CDH2: variants seen among roughly 807,000 people sequenced by gnomAD.
The protein encoded by CDH2 is cadherin 2.
In CDH2, 17 loss-of-function variants were observed where a neutral mutation model predicts 92.0. The ratio of observed to expected loss-of-function variants is 0.18; its 90% CI spans 0.13 to 0.28. The LOEUF is 0.28. Among genes scored for constraint, CDH2 ranks in the 10% least tolerant of loss-of-function variants. The pLI is 1.00. For missense variants in CDH2, 862 were observed against 1,133.1 expected, an observed-to-expected ratio of 0.76 and a Z score of 3.44; for synonymous variants, 419 against 415.9, an observed-to-expected ratio of 1.01 and a Z score of -0.09.
chr18:28,037,333 T>C (rs1343189226), intron 2 of CDH2, among the ~76,000 whole-genome samples: 3 of 152,194 alleles, frequency 2.0e-5, no homozygotes, highest in African/African-American at 7.2e-5. Context: ...ACCATGAAAC[T>C]TTCTGAGGAT....
At chr18:28,038,240 T>C (rs980165289) in intron 2 of CDH2, among the ~76,000 whole-genome samples, 3 of 152,062 alleles carry the variant, frequency 2.0e-5, no homozygotes, top group Admixed American at 1.3e-4. Context: ...CTGGGCAATA[T>C]GGCAAAACTC....
intron 2 of CDH2, among the ~76,000 whole-genome samples, chr18:28,063,037 T>C (rs2014434985): frequency 6.6e-6 from 1 of 152,168 alleles, no homozygotes; most frequent in Non-Finnish European, 1.5e-5. Flanking sequence ...TATAATAGCA[T>C]TTTTAAAAAG....
At position 27,954,329 on chromosome 18, in the gene CDH2, GA is replaced by G. The variant is rs540351253; in HGVS notation, c.2515-1971del. The stretch of plus-strand genomic sequence containing the variant: ...ATTCACTGCTCTTTTTCTGAAGGCA[GA>G]ACACACACCCACACTCCCACAGAGC... On this transcript the variant is annotated intron_variant, in intron 15 of 15. Transcript: ENST00000269141. Among the ~76,000 whole-genome samples the G allele has an allele frequency of 3.9e-5, 6 of 152,208 alleles. No individual in the cohort carries two copies. The South Asian group carries it at 1.2e-3, about 32-fold the overall frequency.
chr18:28,021,604 AT>A (rs1436908621), intron 2 of CDH2, among the ~76,000 whole-genome samples: 1 of 151,960 alleles, frequency 6.6e-6, no homozygotes, highest in African/African-American at 2.4e-5. Flanking sequence ...GGAAATAATT[AT>A]TTTAAAGAAA....
At chr18:27,935,179 A>G (rs1908988713) in intron 6 of CDH2, among the ~76,000 whole-genome samples, 1 of 152,170 alleles carries the variant, frequency 6.6e-6, no homozygotes, top group Non-Finnish European at 1.5e-5. Context: ...TGCTATAACG[A>G]TACACCTGAG....
chr18:28,118,998 G>T (rs952898132), intron 2 of CDH2, among the ~76,000 whole-genome samples: 1 of 151,944 alleles, frequency 6.6e-6, no homozygotes, highest in Non-Finnish European at 1.5e-5. Flanking sequence ...ATATACCACA[G>T]AAAAGGTTAC....
At chr18:27,973,740 C>T (rs2011734609) in intron 14 of CDH2, among the ~76,000 whole-genome samples, 1 of 152,048 alleles carries the variant, frequency 6.6e-6, no homozygotes, top group Non-Finnish European at 1.5e-5. Context: ...AGGTTATTTC[C>T]CAGGGAATTA....
chr18:28,077,651 G>C (rs2014746307), intron 2 of CDH2, among the ~76,000 whole-genome samples: 1 of 152,204 alleles, frequency 6.6e-6, no homozygotes, highest in South Asian at 2.1e-4. Flanking sequence ...ACCAGTTTGG[G>C]AGGCTGAGGC....
chr18:27,982,035 A>G (rs1302512508), intron 14 of CDH2, among the ~76,000 whole-genome samples: 1 of 152,198 alleles, frequency 6.6e-6, no homozygotes, highest in Non-Finnish European at 1.5e-5. Context: ...CAAACTCTGC[A>G]TCTATTACTT....
intron 2 of CDH2, among the ~76,000 whole-genome samples, chr18:28,027,780 CTCTT>C (rs1485781388): frequency 1.3e-5 from 2 of 151,756 alleles, no homozygotes; most frequent in African/African-American, 2.4e-5. Flanking sequence ...TCAATGAAAA[CTCTT>C]TCTTTTGACA....
At chr18:28,005,664 TTTTTG>T (rs1319401309) in intron 6 of CDH2, among the ~76,000 whole-genome samples, 180 bp downstream of exon 6, 1 of 152,176 alleles carries the variant, frequency 6.6e-6, no homozygotes, top group African/African-American at 2.4e-5. Context: ...AAGGATTTTT[TTTTTG>T]TTTTTCTCTC....
At chr18:28,148,577 C>T (rs2016073787) in intron 1 of CDH2, among the ~76,000 whole-genome samples, 1 of 152,164 alleles carries the variant, frequency 6.6e-6, no homozygotes, top group African/African-American at 2.4e-5. Flanking sequence ...CAGCAGAGCT[C>T]CTGTAGCATC....
chr18:28,027,447 T>C (rs973070275), intron 2 of CDH2, among the ~76,000 whole-genome samples: 2 of 152,114 alleles, frequency 1.3e-5, no homozygotes, highest in African/African-American at 4.8e-5. Context: ...AAAAGTCATG[T>C]CATATTTAAC....
At chr18:28,091,688 T>C (rs2015039724) in intron 2 of CDH2, among the ~76,000 whole-genome samples, 1 of 152,248 alleles carries the variant, frequency 6.6e-6, no homozygotes, top group Non-Finnish European at 1.5e-5. Context: ...ACCAATGGCT[T>C]TGGGACGTTC....
chr18:28,008,195 T>C (rs2012994285), intron 5 of CDH2, among the ~76,000 whole-genome samples: 1 of 152,230 alleles, frequency 6.6e-6, no homozygotes, highest in African/African-American at 2.4e-5. Flanking sequence ...CTTATTTATA[T>C]TCATAAATTA....
At chr18:28,070,185 T>C (rs2014589365) in intron 2 of CDH2, among the ~76,000 whole-genome samples, 1 of 152,174 alleles carries the variant, frequency 6.6e-6, no homozygotes, top group Non-Finnish European at 1.5e-5. Context: ...CCACCCTGTC[T>C]ACATAAGGAA....
At chr18:28,110,212 A>G (rs2144252051) in intron 2 of CDH2, among the ~76,000 whole-genome samples, 1 of 152,326 alleles carries the variant, frequency 6.6e-6, no homozygotes, top group South Asian at 2.1e-4. Flanking sequence ...ATTATCCCGT[A>G]GTTAATTCTG....
intron 1 of CDH2, among the ~76,000 whole-genome samples, chr18:28,166,406 G>C (rs183005715): frequency 1.3e-5 from 2 of 151,834 alleles, no homozygotes; most frequent in Admixed American, 1.3e-4. Context: ...CAAATAAAGA[G>C]AAGGATCATA....
chr18:28,068,948 T>G (rs1191190924), intron 2 of CDH2, among the ~76,000 whole-genome samples: 12 of 152,212 alleles, frequency 7.9e-5, no homozygotes, highest in Non-Finnish European at 1.6e-4. Context: ...CTTTCTCTTT[T>G]GCTATTTTTG....
Sources: gnomAD v4.1 joint callset for allele counts (sites outside exome capture counted in the v4.1 genomes callset) on GRCh38, gnomAD v4.1.1 for gene constraint, MANE v1.5 for transcripts, NCBI Gene and HGNC (gene_info 2026-07-23, HGNC 2026-07-21) for gene names.